Variants in GTF3C1 observed in about 807,000 individuals in gnomAD.
GTF3C1 encodes the protein general transcription factor IIIC subunit 1, also known as general transcription factor 3C polypeptide 1.
A neutral mutation model predicts 226.7 loss-of-function variants in GTF3C1; 57 were observed. The observed-to-expected ratio is 0.25, with a 90% CI of 0.20 to 0.31. The LOEUF is 0.31. Ranked by LOEUF, GTF3C1 falls within the 10% of genes least tolerant of loss-of-function variation. The probability of loss-of-function intolerance (pLI) is 1.00; values close to 1 mark genes in which losing one functional copy is unlikely to be tolerated. For missense variants in GTF3C1, 2,217 were observed against 2,776.1 expected (o/e 0.80, Z 4.53); for synonymous variants, 1,090 against 1,084.8 (o/e 1.00, Z -0.09).
At chr16:27,476,594 G>T in intron 28 of GTF3C1, 50 bp from the exon 29 acceptor site, 1 of 1,032,512 alleles carries the variant, frequency 9.7e-7, no homozygotes, top group African/African-American at 1.6e-5. Context: ...GCACTGCTCA[G>T]CTCAGGCAGA....
At chr16:27,535,764 C>T (rs1412900221) in intron 4 of GTF3C1, among the ~76,000 whole-genome samples, 3 of 152,072 alleles carry the variant, frequency 2.0e-5, no homozygotes, top group East Asian at 3.9e-4. Flanking sequence ...TGGTGCATCG[C>T]TTGAGCCCTG....
At chr16:27,465,667 G>A in intron 32 of GTF3C1, 127 bp from the exon 33 acceptor site, 1 of 738,234 alleles carries the variant, frequency 1.4e-6, no homozygotes, top group Non-Finnish European at 2.2e-6. Context: ...CAGCCACAGG[G>A]GTCACCTGCT....
At chr16:27,513,362 G>C (rs2088606345) in intron 6 of GTF3C1, among the ~76,000 whole-genome samples, 1 of 152,236 alleles carries the variant, frequency 6.6e-6, no homozygotes, top group Non-Finnish European at 1.5e-5. Context: ...GCTGAAGTGA[G>C]AGGATTGCTT....
Position 27,463,962 on chromosome 16 carries a change from C to T in GTF3C1, c.5872+358G>A, listed in dbSNP as rs759455566. 2.3e-6 allele frequency: 1 copy of T among 425,660 alleles called. No homozygotes were observed. The highest frequency in any genetic ancestry group is 4.5e-5 in the Admixed American group (1 of 22,196). 26.4% of individuals were successfully genotyped at this position (425,660 alleles called of 1,614,324 possible). A position where few individuals can be genotyped will look rare whatever the true frequency, so the allele number is the denominator to read the frequency against. On this transcript the variant is annotated intron_variant, in intron 34 of 36. Coordinates refer to ENST00000356183, the MANE Select transcript of GTF3C1 (RefSeq NM_001520.4). This position sits in a 1 kb window ranked among gnomAD's most constrained non-coding sequence, Gnocchi z 4.9. ...GAGAAGCCACATGAGAAGGCCGCTG[C>T]TGATGACAGACGTGCAGGAAAGGAA...
chr16:27,511,346 G>T (rs572567296), intron 7 of GTF3C1, among the ~76,000 whole-genome samples: 11 of 152,360 alleles, frequency 7.2e-5, no homozygotes, highest in Non-Finnish European at 1.5e-4. Context: ...TGCCCCCACG[G>T]CTTCCCTAGT....
chr16:27,546,045 A>G (rs1207573099), intron 1 of GTF3C1, among the ~76,000 whole-genome samples: 1 of 152,022 alleles, frequency 6.6e-6, no homozygotes, highest in Non-Finnish European at 1.5e-5. Context: ...ATGACGGTTC[A>G]CCATGTTGGT....
intron 16 of GTF3C1, among the ~76,000 whole-genome samples, 156 bp downstream of exon 16, chr16:27,494,607 T>G (rs1185829603): frequency 6.6e-6 from 1 of 152,124 alleles, no homozygotes; most frequent in Non-Finnish European, 1.5e-5. Flanking sequence ...TAAAATATTT[T>G]CCCTTGAATG....
rs183011367 is a variant in GTF3C1, at chr16:27,532,598, C to T, written c.849+693G>A. 1.7e-3 allele frequency among the ~76,000 whole-genome samples: 266 copies of T among 152,242 alleles called. 2 individuals carry two copies. The Middle Eastern group carries it at 0.024, about 14-fold the overall frequency. On this transcript the variant is annotated intron_variant, in intron 5 of 36. Transcript: ENST00000356183. ...CAGCCTCTGCTCTGGGGCCCAAAGA[C>T]GAAGCAGGTCAACAGCTGCCTTCCT...
rs115096269 is a variant in GTF3C1, at chr16:27,517,857, T to C, written c.974-5956A>G. Among the ~76,000 whole-genome samples the C allele has an allele frequency of 1.7e-3, 255 of 152,350 alleles. 1 individual carries two copies. The highest frequency in any genetic ancestry group is 4.0e-3 in the African/African-American group (167 of 41,574). On this transcript the variant is annotated intron_variant, in intron 6 of 36. Coordinates refer to ENST00000356183, the MANE Select transcript of GTF3C1 (RefSeq NM_001520.4). Reference sequence around the variant, plus strand: ...TGACACTCAGAGTGGTCATGTGATCTAACCGATGCCTTCCACACTAGGCCA... The same window carrying C: ...TGACACTCAGAGTGGTCATGTGATCCAACCGATGCCTTCCACACTAGGCCA...
rs1197150255 is a variant in GTF3C1, at chr16:27,507,595, C to T, written c.1243-439G>A. On this transcript the variant is annotated intron_variant, in intron 8 of 36. Transcript: ENST00000356183. The surrounding 1 kb of genome is among the most constrained non-coding windows in gnomAD (Gnocchi z 4.9). ...TTGTCGACTGGGCATCAGTGATCCA[C>T]ACCCATTTTAACGTCTAGAACAGGG... Among the ~76,000 whole-genome samples the T allele has an allele frequency of 6.6e-6, 1 of 152,252 alleles. No homozygotes were observed.
chr16:27,516,312 G>A (rs1269425314), intron 6 of GTF3C1, among the ~76,000 whole-genome samples: 1 of 152,222 alleles, frequency 6.6e-6, no homozygotes, highest in African/African-American at 2.4e-5. Flanking sequence ...CAGAACAATA[G>A]GCATCATCAG....
chr16:27,548,741 G>A (rs1348192550), intron 1 of GTF3C1, among the ~76,000 whole-genome samples: 3 of 152,198 alleles, frequency 2.0e-5, no homozygotes, highest in South Asian at 2.1e-4. Flanking sequence ...AAATGAGGAC[G>A]ATAACAGCAC....
At position 27,470,382 on chromosome 16, in the gene GTF3C1, G is replaced by A; in HGVS notation, c.4540C>T (p.Arg1514Ter). 3 of 1,612,818 alleles carry A rather than the reference G, an allele frequency of 1.9e-6. No individual in the cohort carries two copies. The highest frequency in any genetic ancestry group is 1.7e-6 in the Non-Finnish European group (2 of 1,179,276). The part of the protein sequence containing the change: ...SQTYYRIFTW[R>*]FPSTICTESF... ...TCCGTGCAGATGGTGCTTGGAAATC[G>A]CCACGTAAAAATCCTACAGACAAAA... is the stretch of plus-strand genomic sequence containing the variant. Residue 1514 changes from arginine to a stop codon, truncating the protein, a stop_gained, in exon 31 of 37, where the codon CGA becomes TGA. Transcript: ENST00000356183. LOFTEE classifies it high-confidence loss of function. The surrounding 1 kb of genome is among the most constrained non-coding windows in gnomAD (Gnocchi z 4.9).
At chr16:27,488,530 G>A (rs1370238934) in intron 22 of GTF3C1, 24 bp downstream of exon 22, 1 of 1,602,754 alleles carries the variant, frequency 6.2e-7, no homozygotes, top group African/African-American at 1.3e-5. Flanking sequence ...ATTAACTTCT[G>A]GGGTGAACTC....
intron 6 of GTF3C1, among the ~76,000 whole-genome samples, chr16:27,513,324 T>C (rs2088605844): frequency 6.6e-6 from 1 of 152,140 alleles, no homozygotes; most frequent in African/African-American, 2.4e-5. Context: ...TGTGGTAACA[T>C]GTGCCTGTAG....
chr16:27,478,895 G>C (rs574757372), intron 27 of GTF3C1, among the ~76,000 whole-genome samples: 1 of 150,634 alleles, frequency 6.6e-6, no homozygotes, highest in Admixed American at 6.6e-5. Flanking sequence ...CCACCCAGAA[G>C]TAATCTAAAA....
In GTF3C1 at chr16:27,464,616, C is replaced by T; in HGVS notation, c.5576G>A (p.Gly1859Asp). The T allele has an allele frequency of 2.7e-6, 4 of 1,500,360 alleles. No homozygotes were observed. Among genetic ancestry groups the T allele is most frequent in the African/African-American group, 1.4e-5 (1 of 70,294 alleles). 92.9% of individuals were successfully genotyped at this position (1,500,360 alleles called of 1,614,324 possible). The change falls in exon 34 of 37, where the codon GGC (glycine) becomes GAC (aspartate). Residue 1859 changes from glycine to aspartate, a missense_variant. Physicochemically the swap from Gly to Asp is moderately conservative, Grantham distance 94 (BLOSUM62 -1). Coordinates refer to ENST00000356183, the MANE Select transcript of GTF3C1 (RefSeq NM_001520.4). ...GQAPPSHSPR[G>D]TKRRASWASE... The stretch of plus-strand genomic sequence containing the variant: ...GGCCCAGCTGGCGCGCCTCTTGGTG[C>T]CCCGGGGGCTGTGAGAAGGAGGTGC...
intron 6 of GTF3C1, among the ~76,000 whole-genome samples, chr16:27,526,563 TC>T (rs2141435027): frequency 6.6e-6 from 1 of 152,350 alleles, no homozygotes; most frequent in Non-Finnish European, 1.5e-5. Context: ...GCACCCAGTA[TC>T]CCCAAGTTTT....
At chr16:27,482,622 A>G in intron 26 of GTF3C1, 1 of 457,148 alleles carries the variant, frequency 2.2e-6, no homozygotes, top group Middle Eastern at 3.3e-4. Context: ...ATGAAAGATG[A>G]GCAGCCTCTG....
Sources: gnomAD v4.1 joint callset for allele counts (sites outside exome capture counted in the v4.1 genomes callset) on GRCh38, gnomAD v4.1.1 for gene constraint, Gnocchi (gnomAD v3.1) non-coding constraint, MANE v1.5 for transcripts, NCBI Gene and HGNC (gene_info 2026-07-23, HGNC 2026-07-21) for gene names.